RAD54L2: variants seen among roughly 807,000 people sequenced by gnomAD.
The protein encoded by RAD54L2 is RAD54 like 2.
In RAD54L2, 27 loss-of-function variants were observed where a neutral mutation model predicts 138.4. The observed-to-expected ratio is 0.20, with a 90% CI of 0.14 to 0.27. The LOEUF (loss-of-function observed/expected upper bound fraction) is 0.27, where lower values mean the gene tolerates loss of function less well. Among genes scored for constraint, RAD54L2 ranks in the 10% least tolerant of loss-of-function variants. The pLI, the probability that RAD54L2 is intolerant of heterozygous loss-of-function variation, is 1.00. For missense variants in RAD54L2, 1,396 were observed against 1,890.2 expected, an observed-to-expected ratio of 0.74 and a Z score of 4.85; for synonymous variants, 644 against 723.2, an observed-to-expected ratio of 0.89 and a Z score of 1.76.
intron 3 of RAD54L2, among the ~76,000 whole-genome samples, chr3:51,594,156 C>T (rs1355400499): frequency 6.7e-6 from 1 of 149,046 alleles, no homozygotes; most frequent in Non-Finnish European, 1.5e-5. Flanking sequence ...CTGCAACCTC[C>T]ACCTCCTGAG....
At chr3:51,565,850 A>G (rs1467748876) in intron 2 of RAD54L2, among the ~76,000 whole-genome samples, 1 of 112,424 alleles carries the variant, frequency 8.9e-6, no homozygotes, top group Non-Finnish European at 1.7e-5. Context: ...TTTTTTTGAG[A>G]CGGAGTCTTG....
At chr3:51,601,427 C>T (rs933645514) in intron 3 of RAD54L2, among the ~76,000 whole-genome samples, 3 of 151,606 alleles carry the variant, frequency 2.0e-5, no homozygotes, top group Non-Finnish European at 4.4e-5. Context: ...CCTGCCTCAG[C>T]CTTCTGAGTA....
At chr3:51,569,618 A>G (rs1337598120) in intron 2 of RAD54L2, among the ~76,000 whole-genome samples, 1 of 151,944 alleles carries the variant, frequency 6.6e-6, no homozygotes, top group Non-Finnish European at 1.5e-5. Context: ...TCCTGACCTC[A>G]TGATCCGCCT....
At chr3:51,539,942 C>T (rs1168755899) in intron 1 of RAD54L2, among the ~76,000 whole-genome samples, 1 of 152,184 alleles carries the variant, frequency 6.6e-6, no homozygotes. Flanking sequence ...AGAGTGGTGA[C>T]TGTCATTGAC....
At chr3:51,607,509 C>T (rs1325849719) in intron 3 of RAD54L2, among the ~76,000 whole-genome samples, 1 of 152,234 alleles carries the variant, frequency 6.6e-6, no homozygotes, top group South Asian at 2.1e-4. Context: ...CTACTTCTTT[C>T]TACACAGACA....
At chr3:51,625,418 C>T (rs1046421186) in intron 3 of RAD54L2, among the ~76,000 whole-genome samples, 1 of 151,982 alleles carries the variant, frequency 6.6e-6, no homozygotes, top group African/African-American at 2.4e-5. Context: ...AACTCCATCT[C>T]AACCAATCAA....
chr3:51,646,655 G>A (rs1310178887), intron 19 of RAD54L2, among the ~76,000 whole-genome samples, 174 bp downstream of exon 19: 2 of 152,190 alleles, frequency 1.3e-5, no homozygotes, highest in African/African-American at 2.4e-5. Flanking sequence ...GTTTTAAATG[G>A]TTCTGGTTTT....
At chr3:51,540,983 A>G (rs1364349774) in intron 1 of RAD54L2, among the ~76,000 whole-genome samples, 1 of 150,052 alleles carries the variant, frequency 6.7e-6, no homozygotes, top group African/African-American at 2.5e-5. Flanking sequence ...AGAGGTTACA[A>G]TGAGCCGAGA....
chr3:51,573,160 A>C (rs1023876751), intron 2 of RAD54L2, among the ~76,000 whole-genome samples: 1 of 152,132 alleles, frequency 6.6e-6, no homozygotes, highest in African/African-American at 2.4e-5. Context: ...GAGGGAGGGC[A>C]AGCTGGTGAG....
In RAD54L2 at chr3:51,662,720, T is replaced by G; in HGVS notation, c.3704T>G (p.Leu1235Arg). ...RLGGHCLNSS[L>R]LVTGQPCGDR... ...GGGGGTCATTGCCTCAATAGTTCCC[T>G]CTTGGTGACTGGCCAGCCCTGTGGT... The change falls in exon 23 of 23, where the codon CTC becomes CGC. Residue 1235 changes from leucine to arginine, a missense_variant. Physicochemically the swap from Leu to Arg is moderately radical, Grantham distance 102 (BLOSUM62 -2). Coordinates refer to ENST00000684192, the MANE Select transcript of RAD54L2 (RefSeq NM_015106.4). The surrounding 1 kb of genome is among the most constrained non-coding windows in gnomAD (Gnocchi z 4.6). 1 of 1,613,804 alleles carries G rather than the reference T, an allele frequency of 6.2e-7. No homozygotes were observed. Among genetic ancestry groups the G allele is most frequent in the Non-Finnish European group, 8.5e-7 (1 of 1,179,840 alleles).
chr3:51,541,085 C>T (rs1053013302), intron 1 of RAD54L2: 2 of 150,316 alleles, frequency 1.3e-5, no homozygotes, highest in Non-Finnish European at 3.0e-5. Context: ...TCTCTTTCTC[C>T]ATTCATTCTT....
chr3:51,639,264 C>G, intron 12 of RAD54L2, 155 bp from the exon 13 acceptor site: 1 of 797,034 alleles, frequency 1.3e-6, no homozygotes, highest in South Asian at 1.9e-5. Flanking sequence ...AATATGCAGG[C>G]CCTTTGGCTG....
intron 19 of RAD54L2, among the ~76,000 whole-genome samples, chr3:51,652,338 G>A (rs544154427): frequency 1.1e-4 from 16 of 152,138 alleles, no homozygotes; most frequent in Non-Finnish European, 2.1e-4. Context: ...AATCAACATC[G>A]TGAAAATGGC....
At chr3:51,558,045 C>A (rs955495995) in intron 2 of RAD54L2, among the ~76,000 whole-genome samples, 2 of 151,864 alleles carry the variant, frequency 1.3e-5, no homozygotes, top group Non-Finnish European at 2.9e-5. Flanking sequence ...AGGGTTTTAC[C>A]GTGTTGCCCA....
At chr3:51,549,980 A>G (rs1698797633) in intron 2 of RAD54L2, among the ~76,000 whole-genome samples, 1 of 152,022 alleles carries the variant, frequency 6.6e-6, no homozygotes, top group African/African-American at 2.4e-5. Context: ...CAGGTATTAG[A>G]ACCCTTTGCT....
Position 51,645,962 on chromosome 3 carries a change from G to A in RAD54L2, c.2829+199G>A, listed in dbSNP as rs535096683. Among the ~76,000 whole-genome samples the A allele has an allele frequency of 4.6e-5, 7 of 152,284 alleles. No homozygotes were observed. Among genetic ancestry groups the A allele is most frequent in the African/African-American group, 1.7e-4 (7 of 41,576 alleles). On this transcript the variant is annotated intron_variant, in intron 18 of 22. Transcript: ENST00000684192. This position sits in a 1 kb window ranked among gnomAD's most constrained non-coding sequence, Gnocchi z 6.1. ...CGTCCTCTAATCTGGTCCTGGGAGT[G>A]CTAAGGTTAGCCATGTATAGTAATT...
intron 7 of RAD54L2, among the ~76,000 whole-genome samples, chr3:51,632,646 C>A (rs1335550682): frequency 1.4e-5 from 2 of 146,942 alleles, no homozygotes; most frequent in East Asian, 2.3e-4. Flanking sequence ...GTAATCCTGG[C>A]GCTTTGGGAG....
intron 2 of RAD54L2, among the ~76,000 whole-genome samples, chr3:51,563,113 T>C (rs1699135928): frequency 6.6e-6 from 1 of 152,140 alleles, no homozygotes; most frequent in South Asian, 2.1e-4. Flanking sequence ...TAGAGAGTAG[T>C]TTTTTAATAA....
chr3:51,654,641 C>A (rs1701551619), intron 19 of RAD54L2, among the ~76,000 whole-genome samples: 1 of 151,918 alleles, frequency 6.6e-6, no homozygotes, highest in South Asian at 2.1e-4. Context: ...TCTTTTTTTT[C>A]CCCCTCTTTT....
Sources: allele counts gnomAD v4.1 joint callset (sites outside exome capture counted in the v4.1 genomes callset), GRCh38; gene constraint gnomAD v4.1.1; non-coding constraint Gnocchi (gnomAD v3.1); transcripts MANE v1.5; gene names NCBI Gene and HGNC (gene_info 2026-07-23, HGNC 2026-07-21).